The following LTBP4 variants were observed in gnomAD, a reference collection of about 807,000 sequenced individuals.
The protein encoded by LTBP4 is latent-transforming growth factor beta-binding protein 4.
LTBP4 carries 93 observed loss-of-function variants against 180.2 expected under a neutral mutation model. The ratio of observed to expected loss-of-function variants is 0.52; its 90% CI spans 0.44 to 0.61. LTBP4 has a LOEUF of 0.61. LTBP4 is among the 20% of genes least tolerant of loss of function. The probability of loss-of-function intolerance (pLI) is 0.00; values close to 1 mark genes in which losing one functional copy is unlikely to be tolerated. For missense variants in LTBP4, 2,116 were observed against 2,256.5 expected, an observed-to-expected ratio of 0.94 and a Z score of 1.26; for synonymous variants, 947 against 934.5, an observed-to-expected ratio of 1.01 and a Z score of -0.24.
intron 11 of LTBP4, 85 bp from the exon 12 acceptor site, chr19:40,610,447 C>G (rs1315490540): frequency 8.1e-6 from 12 of 1,482,340 alleles, no homozygotes; most frequent in Non-Finnish European, 1.1e-5. Flanking sequence ...TGGTCCCGCT[C>G]CCGCTTCCCT....
At chr19:40,602,142 G>A (rs926887557) in intron 1 of LTBP4, among the ~76,000 whole-genome samples, 1 of 133,962 alleles carries the variant, frequency 7.5e-6, no homozygotes, top group Non-Finnish European at 1.5e-5. Flanking sequence ...ACAGAGACGG[G>A]GGTTGTGTGT....
Position 40,629,468 on chromosome 19 carries a change from G to T in LTBP4, c.4592G>T (p.Gly1531Val). 6.2e-7 allele frequency: 1 copy of T among 1,609,636 alleles called. No homozygotes were observed. The highest frequency in any genetic ancestry group is 1.1e-5 in the South Asian group (1 of 91,010). ...AACGCGCGTTGCCTCAACACGGATG[G>T]CTCCTTCCGCTGCATCTGCCGCCCG... is the stretch of plus-strand genomic sequence containing the variant. The part of the protein sequence containing the change: ...CVNARCLNTD[G>V]SFRCICRPGF... The change falls in exon 30 of 30, where the codon GGC becomes GTC. Residue 1531 changes from glycine to valine, a missense_variant. Gly to Val is a moderately radical substitution (Grantham distance 109). This residue lies in a region of LTBP4 where 488 missense variants were observed against 458.8 expected (regional missense o/e 1.06). Coordinates refer to ENST00000396819, the MANE Select transcript of LTBP4 (RefSeq NM_001042545.2). The surrounding 1 kb of genome is among the most constrained non-coding windows in gnomAD (Gnocchi z 4.5).
At chr19:40,600,306 AG>A (rs569010328), upstream of LTBP4, 915 of 418,322 alleles carry the variant, frequency 2.2e-3, 10 homozygotes, top group African/African-American at 0.017. This position sits in a 1 kb window ranked among gnomAD's most constrained non-coding sequence, Gnocchi z 4.4. Context: ...CCCCAGGACG[AG>A]GCCCCCTCTA....
Position 40,629,571 on chromosome 19 carries a change from C to G in LTBP4, c.*21C>G, listed in dbSNP as rs1244503357. 1.5e-6 allele frequency: 2 copies of G among 1,353,998 alleles called. No homozygotes were observed. The highest frequency in any genetic ancestry group is 1.7e-5 in the South Asian group (1 of 58,484). The allele number at this position is 1,353,998 out of a possible 1,614,324, so 83.9% of individuals were successfully genotyped here. On this transcript the variant is annotated 3_prime_UTR_variant, in exon 30 of 30. Transcript: ENST00000396819. The surrounding 1 kb of genome is among the most constrained non-coding windows in gnomAD (Gnocchi z 4.5). Reference sequence around the variant, plus strand: ...CCTGAGCCCTGGCACCCGCTGGCCGCCCACCCGCGCCCGCCACTCGGGGCC... The same window carrying G: ...CCTGAGCCCTGGCACCCGCTGGCCGGCCACCCGCGCCCGCCACTCGGGGCC...
Position 40,627,140 on chromosome 19 carries a change from C to G in LTBP4, c.4151C>G (p.Pro1384Arg), listed in dbSNP as rs567990384. ...LYPPPALPYD[P>R]YPPPPGPFAR... ...CCACCACCTGCGCTACCCTACGACCCCTACCCACCGCCACCTGGGCCCTTC... is the reference window on the plus strand; with the variant it reads ...CCACCACCTGCGCTACCCTACGACCGCTACCCACCGCCACCTGGGCCCTTC... Residue 1384 changes from proline to arginine, a missense_variant, in exon 28 of 30, where the codon CCC becomes CGC. By Grantham distance (103) the Pro-to-Arg change is moderately radical. Transcript: ENST00000396819. 1 of 1,613,662 alleles carries G rather than the reference C, an allele frequency of 6.2e-7. No homozygotes were observed. Among genetic ancestry groups the G allele is most frequent in the Non-Finnish European group, 8.5e-7 (1 of 1,179,830 alleles).
At chr19:40,607,615 C>T (rs1034227095) in intron 7 of LTBP4, 86 bp downstream of exon 7, 13 of 1,413,084 alleles carry the variant, frequency 9.2e-6, no homozygotes, top group Non-Finnish European at 1.2e-5. Context: ...GAGTTCACTG[C>T]CCCAACCTGA....
chr19:40,611,456 AT>A lies in LTBP4; in HGVS notation c.2053+64del. ...TTGCTGTGGAGACTGGAGAGAGATT[AT>A]TGAGGGGCAGAGAGGCAGAGTGATG... is the stretch of plus-strand genomic sequence containing the variant. On this transcript the variant is annotated intron_variant, in intron 13 of 29. Coordinates refer to ENST00000396819, the MANE Select transcript of LTBP4 (RefSeq NM_001042545.2). The surrounding 1 kb of genome is among the most constrained non-coding windows in gnomAD (Gnocchi z 4.4). The A allele has an allele frequency of 1.9e-6, 3 of 1,545,576 alleles. No homozygotes were observed. Among genetic ancestry groups the A allele is most frequent in the Admixed American group, 1.8e-5 (1 of 55,176 alleles).
At chr19:40,597,114 G>C (rs1414003652), upstream of LTBP4, 10 of 980,694 alleles carry the variant, frequency 1.0e-5, no homozygotes, top group Non-Finnish European at 1.3e-5. Flanking sequence ...CCCGTGGCTG[G>C]ACTGTGGAGA....
At chr19:40,604,749 G>A (rs1012096055) in intron 1 of LTBP4, among the ~76,000 whole-genome samples, 1 of 152,180 alleles carries the variant, frequency 6.6e-6, no homozygotes, top group African/African-American at 2.4e-5. Flanking sequence ...AGGCTCAGAT[G>A]GGAGGATCAC....
chr19:40,624,174 G>A (rs1380113934), intron 26 of LTBP4, 92 bp downstream of exon 26: 4 of 1,390,052 alleles, frequency 2.9e-6, no homozygotes, highest in Non-Finnish European at 3.8e-6. Flanking sequence ...CACGCCCTCC[G>A]AAGGCCACGC....
At chr19:40,608,699 T>G (rs1004810661) in intron 9 of LTBP4, 96 bp downstream of exon 9, 2 of 1,427,282 alleles carry the variant, frequency 1.4e-6, no homozygotes, top group South Asian at 2.5e-5. Context: ...GATCACCAGG[T>G]CAGGAGTTCG....
chr19:40,613,047 C>T lies in LTBP4; in HGVS notation c.2300-18C>T. The T allele has an allele frequency of 6.2e-7, 1 of 1,610,216 alleles. No homozygotes were observed. Among genetic ancestry groups the T allele is most frequent in the South Asian group, 1.1e-5 (1 of 90,274 alleles). The stretch of plus-strand genomic sequence containing the variant: ...GTCCCGAGACTGGACCCTTTCTGAA[C>T]ACCCCCACCCCCCACAGATGTGGAC... On this transcript the variant is annotated intron_variant, in intron 15 of 29. Coordinates refer to ENST00000396819, the MANE Select transcript of LTBP4 (RefSeq NM_001042545.2). This position sits in a 1 kb window ranked among gnomAD's most constrained non-coding sequence, Gnocchi z 5.0.
Position 40,609,968 on chromosome 19 carries a change from G to T in LTBP4, c.1684+97G>T. 7.0e-7 allele frequency: 1 copy of T among 1,422,810 alleles called. No individual in the cohort carries two copies. Among genetic ancestry groups the T allele is most frequent in the Middle Eastern group, 2.6e-4 (1 of 3,880 alleles). 88.1% of individuals were successfully genotyped at this position (1,422,810 alleles called of 1,614,324 possible). ...CCAGCCCTCCCACGCTTCCCCTCTC[G>T]GGTCCCGCCCCAGGACTGCTCTGCC... is the stretch of plus-strand genomic sequence containing the variant. On this transcript the variant is annotated intron_variant, in intron 11 of 29. Coordinates refer to ENST00000396819, the MANE Select transcript of LTBP4 (RefSeq NM_001042545.2). This position sits in a 1 kb window ranked among gnomAD's most constrained non-coding sequence, Gnocchi z 4.9.
At chr19:40,618,987 TA>T (rs1337216116) in intron 21 of LTBP4, among the ~76,000 whole-genome samples, 1 of 152,052 alleles carries the variant, frequency 6.6e-6, no homozygotes, top group Non-Finnish European at 1.5e-5. Context: ...ACCCGAGAGC[TA>T]AAAAGGGAGG....
Position 40,616,788 on chromosome 19 carries a change from C to T in LTBP4, c.2813-101C>T, listed in dbSNP as rs994580339. The T allele has an allele frequency of 3.7e-6, 5 of 1,369,480 alleles. No individual in the cohort carries two copies. In the African/African-American group the frequency reaches 5.8e-5, roughly 16 times the overall value. The allele number at this position is 1,369,480 out of a possible 1,614,324, so 84.8% of individuals were successfully genotyped here. A position where few individuals can be genotyped will look rare whatever the true frequency, so the allele number is the denominator to read the frequency against. On this transcript the variant is annotated intron_variant, in intron 19 of 29. Coordinates refer to ENST00000396819, the MANE Select transcript of LTBP4 (RefSeq NM_001042545.2). ...TTCAGAAGCTCAGGCTCCTAGAATACCAGATTGCTAAAGACTTCTTAGTCT... is the reference window on the plus strand; with the variant it reads ...TTCAGAAGCTCAGGCTCCTAGAATATCAGATTGCTAAAGACTTCTTAGTCT...
At chr19:40,617,588 G>A (rs1174105455) in intron 21 of LTBP4, among the ~76,000 whole-genome samples, 2 of 149,298 alleles carry the variant, frequency 1.3e-5, no homozygotes, top group East Asian at 4.0e-4. Flanking sequence ...AGGTTGCAGT[G>A]AGCCAAGATT....
chr19:40,608,062 C>T (rs1302542813), intron 7 of LTBP4, among the ~76,000 whole-genome samples, 158 bp from the exon 8 acceptor site: 1 of 152,208 alleles, frequency 6.6e-6, no homozygotes, highest in Non-Finnish European at 1.5e-5. Flanking sequence ...CTAAGACATT[C>T]TACTCTTTGG....
chr19:40,628,780 T>C (rs1389029594), intron 29 of LTBP4, among the ~76,000 whole-genome samples: 1 of 152,204 alleles, frequency 6.6e-6, no homozygotes, highest in South Asian at 2.1e-4. Context: ...AAGTTAATAC[T>C]TGTAATGTGC....
chr19:40,599,416 C>G (rs1186848278), upstream of LTBP4: 4 of 1,613,438 alleles, frequency 2.5e-6, no homozygotes, highest in African/African-American at 5.3e-5. Flanking sequence ...TGGCTGTCTC[C>G]GAAGCCTTCT....
Sources: gnomAD v4.1 joint callset for allele counts (sites outside exome capture counted in the v4.1 genomes callset) on GRCh38, gnomAD v4.1.1 for gene constraint, gnomAD v4.1.1 regional missense constraint, Gnocchi (gnomAD v3.1) non-coding constraint, MANE v1.5 for transcripts, NCBI Gene and HGNC (gene_info 2026-07-23, HGNC 2026-07-21) for gene names.